INSL6: variants seen among roughly 807,000 people sequenced by gnomAD.
INSL6 encodes insulin-like peptide INSL6.
In INSL6, 16 loss-of-function variants were observed where a neutral mutation model predicts 9.4. That is an observed-to-expected ratio of 1.70 (90% CI 1.15 to 2.59). INSL6 has a LOEUF of 2.59. INSL6 is among the 30% of genes most tolerant of loss of function. INSL6 has a pLI of 0.00. For synonymous variants in INSL6, 154 were observed against 96.9 expected (o/e 1.59, Z -3.46); for missense variants, 391 against 257.3 (o/e 1.52, Z -3.56).
chr9:5,055,063 G>T, the INSL6 span, among the ~76,000 whole-genome samples: 102 of 151,946 alleles, frequency 6.7e-4, 1 homozygote, highest in East Asian at 0.019. Flanking sequence ...TTCTTAAATG[G>T]TTTTTTCATT....
chr9:5,137,501 T>C (rs1359422037), intron 2 of INSL6, among the ~76,000 whole-genome samples: 1 of 148,884 alleles, frequency 6.7e-6, no homozygotes, highest in African/African-American at 2.4e-5. Context: ...ACAAACCCTA[T>C]TTAATATATG....
the INSL6 span, chr9:5,111,745 CGGA>C: frequency 1.6e-4 from 67 of 427,556 alleles, no homozygotes; most frequent in Admixed American, 2.4e-4. Flanking sequence ...ACCGGCTGCA[CGGA>C]GGAGAAGTGA....
the INSL6 span, among the ~76,000 whole-genome samples, chr9:5,088,556 TAG>T: frequency 6.6e-6 from 1 of 151,940 alleles, no homozygotes; most frequent in African/African-American, 2.4e-5. Context: ...AAAAAAAATG[TAG>T]AGTCATCCCA....
At chr9:5,034,248 TTA>T in the INSL6 span, among the ~76,000 whole-genome samples, 1 of 152,132 alleles carries the variant, frequency 6.6e-6, no homozygotes, top group African/African-American at 2.4e-5. Flanking sequence ...AAGCAAGTCC[TTA>T]GAGACCTACA....
the INSL6 span, among the ~76,000 whole-genome samples, chr9:4,995,914 C>A: frequency 6.6e-6 from 1 of 151,938 alleles, no homozygotes; most frequent in African/African-American, 2.4e-5. Flanking sequence ...CATTTGCTAA[C>A]TTATGTGTCT....
downstream of INSL6, among the ~76,000 whole-genome samples, chr9:5,121,248 C>T (rs1823598731): frequency 6.6e-6 from 1 of 152,134 alleles, no homozygotes; most frequent in African/African-American, 2.4e-5. Context: ...AAGCAGTCCC[C>T]TAAGAGATTT....
chr9:5,091,084 C>T, the INSL6 span: 23 of 489,444 alleles, frequency 4.7e-5, no homozygotes, highest in Non-Finnish European at 6.8e-5. Context: ...TTATAGTCCA[C>T]GTGGGAAAAT....
chr9:5,011,623 C>A, the INSL6 span, among the ~76,000 whole-genome samples: 2 of 151,720 alleles, frequency 1.3e-5, no homozygotes, highest in East Asian at 3.9e-4. Context: ...ATATTTGGGT[C>A]TGCTTTGGGT....
chr9:5,064,812 G>T, the INSL6 span: 1 of 1,208,832 alleles, frequency 8.3e-7, no homozygotes, highest in Non-Finnish European at 1.1e-6. Flanking sequence ...ATGGAATGAA[G>T]AAAATTTTCA....
chr9:5,176,413 A>G (rs1233796296), intron 1 of INSL6, among the ~76,000 whole-genome samples: 1 of 152,214 alleles, frequency 6.6e-6, no homozygotes. Context: ...AGCTCCATAA[A>G]GCCTTTGATC....
At chr9:5,009,775 AT>A in the INSL6 span, among the ~76,000 whole-genome samples, 720 of 146,046 alleles carry the variant, frequency 4.9e-3, 4 homozygotes, top group African/African-American at 0.015. Flanking sequence ...TTCAGTTAAA[AT>A]TTTTTTTTTT....
chr9:5,183,580 A>T (rs546452647), intron 1 of INSL6, among the ~76,000 whole-genome samples: 13 of 152,204 alleles, frequency 8.5e-5, no homozygotes. Context: ...TGTTGAGAAA[A>T]GGCATTCCAA....
chr9:5,101,208 A>C, the INSL6 span, among the ~76,000 whole-genome samples: 1 of 152,252 alleles, frequency 6.6e-6, no homozygotes, highest in Non-Finnish European at 1.5e-5. Context: ...AGTCTTACCA[A>C]ATGGCACACC....
chr9:5,044,432 G>C, the INSL6 span: 5 of 1,612,244 alleles, frequency 3.1e-6, no homozygotes, highest in South Asian at 5.5e-5. Context: ...TATTGCAGTG[G>C]CAGCAACAGA....
the INSL6 span, among the ~76,000 whole-genome samples, chr9:5,034,378 G>A: frequency 1.3e-5 from 2 of 152,122 alleles, no homozygotes; most frequent in Non-Finnish European, 2.9e-5. Flanking sequence ...ATTCAGCTCT[G>A]GACCAAGCAG....
exon 4 of INSL6, among the ~76,000 whole-genome samples, chr9:5,124,166 T>A (rs1391215229): frequency 6.6e-6 from 1 of 151,956 alleles, no homozygotes; most frequent in Non-Finnish European, 1.5e-5. Context: ...GGTTTTCTGT[T>A]CATTCTGTTG....
chr9:5,062,500 T>TAAAAAAAAAAA, the INSL6 span, among the ~76,000 whole-genome samples: 96 of 58,232 alleles, frequency 1.6e-3, 19 homozygotes, highest in African/African-American at 9.0e-3. Flanking sequence ...CTTCCATTTG[T>TAAAAAAAAAAA]AAAAAAAAAA....
chr9:5,145,500 C>A (rs1824585047), intron 2 of INSL6, among the ~76,000 whole-genome samples: 1 of 152,260 alleles, frequency 6.6e-6, no homozygotes, highest in South Asian at 2.1e-4. Context: ...TGAACGTTTG[C>A]CTGTCTTGCT....
At chr9:5,053,248 T>C in the INSL6 span, among the ~76,000 whole-genome samples, 1 of 152,244 alleles carries the variant, frequency 6.6e-6, no homozygotes, top group Middle Eastern at 3.4e-3. Context: ...TCTTTTCATG[T>C]ACTTTTTGGC....
Sources: allele counts gnomAD v4.1 joint callset (sites outside exome capture counted in the v4.1 genomes callset), GRCh38; gene constraint gnomAD v4.1.1; transcripts MANE v1.5; gene names NCBI Gene and HGNC (gene_info 2026-07-23, HGNC 2026-07-21).